Variants in KCNIP3 observed in about 807,000 individuals in gnomAD.
KCNIP3 encodes the protein calsenilin.
KCNIP3 carries 28 observed loss-of-function variants against 35.0 expected under a neutral mutation model. The observed-to-expected ratio is 0.80, with a 90% CI of 0.59 to 1.10. The LOEUF (loss-of-function observed/expected upper bound fraction) is 1.10, where lower values mean the gene tolerates loss of function less well. KCNIP3 is among the 50% of genes least tolerant of loss of function. KCNIP3 has a pLI of 0.00. For missense variants in KCNIP3, 295 were observed against 338.4 expected (o/e 0.87, Z 1.01); for synonymous variants, 134 against 133.8 (o/e 1.00, Z -0.01).
intron 2 of KCNIP3, among the ~76,000 whole-genome samples, chr2:95,349,602 G>T (rs1679461273): frequency 6.6e-6 from 1 of 152,214 alleles, no homozygotes; most frequent in Admixed American, 6.5e-5. Flanking sequence ...CATGGACAAG[G>T]GGGCTGAGCC....
chr2:95,300,590 A>T (rs1409179763), intron 1 of KCNIP3, among the ~76,000 whole-genome samples: 1 of 22,914 alleles, frequency 4.4e-5, no homozygotes, highest in Non-Finnish European at 1.3e-4. Flanking sequence ...GGGAGGGCAC[A>T]GCATGGGGCG....
intron 2 of KCNIP3, among the ~76,000 whole-genome samples, chr2:95,365,515 C>G (rs1679895963): frequency 6.6e-6 from 1 of 152,116 alleles, no homozygotes; most frequent in Non-Finnish European, 1.5e-5. Flanking sequence ...GGAGATCATC[C>G]ACGATCCTTG....
intron 2 of KCNIP3, among the ~76,000 whole-genome samples, chr2:95,325,058 C>T (rs1433464740): frequency 6.6e-6 from 1 of 152,160 alleles, no homozygotes; most frequent in East Asian, 1.9e-4. Flanking sequence ...GCTGGCTGAG[C>T]GACAGGCAGA....
intron 1 of KCNIP3, chr2:95,303,571 C>T (rs1306595465): frequency 6.6e-6 from 1 of 152,590 alleles, no homozygotes. Context: ...CAGCCATGAC[C>T]TCCGCCTGGC....
intron 2 of KCNIP3, among the ~76,000 whole-genome samples, chr2:95,348,814 C>G (rs554902079): frequency 2.0e-5 from 3 of 152,242 alleles, no homozygotes; most frequent in Non-Finnish European, 1.5e-5. Flanking sequence ...CAGAGTCAGC[C>G]AGGCCTGTGC....
intron 2 of KCNIP3, among the ~76,000 whole-genome samples, chr2:95,351,230 G>A (rs1679512829): frequency 6.6e-6 from 1 of 152,272 alleles, no homozygotes; most frequent in South Asian, 2.1e-4. Context: ...TACTGTAGGA[G>A]AAACCTGGAG....
In KCNIP3 at chr2:95,329,862, C is replaced by T. The variant is rs577586625; in HGVS notation, c.181+19342C>T. On this transcript the variant is annotated intron_variant, in intron 2 of 8. Transcript: ENST00000295225. ...CTTTCTTAAAAACAGCTCTTCCCTGCGCGTCTTTAATAATTCAACTCCTAA... is the reference window on the plus strand; with the variant it reads ...CTTTCTTAAAAACAGCTCTTCCCTGTGCGTCTTTAATAATTCAACTCCTAA... Among the ~76,000 whole-genome samples the T allele has an allele frequency of 7.2e-5, 11 of 152,364 alleles. No individual in the cohort carries two copies. The East Asian group carries it at 9.6e-4, about 13-fold the overall frequency.
chr2:95,343,080 G>T (rs1679257243), intron 2 of KCNIP3, among the ~76,000 whole-genome samples: 1 of 152,102 alleles, frequency 6.6e-6, no homozygotes, highest in Non-Finnish European at 1.5e-5. Context: ...ACCCATGTTG[G>T]GAGTCCAGGA....
chr2:95,383,945 G>A, intron 8 of KCNIP3, 57 bp from the exon 9 acceptor site: 1 of 1,481,206 alleles, frequency 6.8e-7, no homozygotes, highest in South Asian at 1.1e-5. Context: ...CTGCTCAAGG[G>A]GGTCGGATTT....
intron 2 of KCNIP3, among the ~76,000 whole-genome samples, chr2:95,325,948 CACACAT>C (rs1197240871): frequency 6.6e-6 from 1 of 151,398 alleles, no homozygotes; most frequent in African/African-American, 2.4e-5. Flanking sequence ...CATACACACT[CACACAT>C]ACACACACTC....
intron 2 of KCNIP3, among the ~76,000 whole-genome samples, chr2:95,364,683 G>T (rs1456548801): frequency 3.3e-5 from 5 of 152,030 alleles, no homozygotes; most frequent in Non-Finnish European, 7.4e-5. Context: ...CTCCTCCCTT[G>T]TGTCTCTTGC....
At chr2:95,326,662 G>T (rs1382359776) in intron 2 of KCNIP3, among the ~76,000 whole-genome samples, 1 of 152,242 alleles carries the variant, frequency 6.6e-6, no homozygotes, top group Non-Finnish European at 1.5e-5. Flanking sequence ...CTCCCCAGAG[G>T]ACAGGCCTCC....
At chr2:95,381,393 T>TCA (rs752337766) in intron 5 of KCNIP3, among the ~76,000 whole-genome samples, 3 of 151,642 alleles carry the variant, frequency 2.0e-5, no homozygotes, top group Non-Finnish European at 4.4e-5. Flanking sequence ...TCACACAAGT[T>TCA]CACACACACA....
At chr2:95,363,293 G>A (rs1679845091) in intron 2 of KCNIP3, among the ~76,000 whole-genome samples, 1 of 152,186 alleles carries the variant, frequency 6.6e-6, no homozygotes, top group Non-Finnish European at 1.5e-5. Context: ...ACATTTGCAT[G>A]TGGGATATGG....
Position 95,382,133 on chromosome 2 carries a change from C to T in KCNIP3, c.556-244C>T, listed in dbSNP as rs111590932. On this transcript the variant is annotated intron_variant, in intron 6 of 8. Transcript: ENST00000295225. The surrounding 1 kb of genome is among the most constrained non-coding windows in gnomAD (Gnocchi z 4.5). ...GGTCCAAGCACTTTTTCTGCTGCCG[C>T]GTCACATTTTGGAGATAAGCACATA... 2.0e-5 allele frequency among the ~76,000 whole-genome samples: 3 copies of T among 152,296 alleles called. No homozygotes were observed. Among genetic ancestry groups the T allele is most frequent in the Admixed American group, 6.5e-5 (1 of 15,304 alleles).
intron 2 of KCNIP3, among the ~76,000 whole-genome samples, chr2:95,315,453 G>A (rs1482286469): frequency 2.0e-5 from 3 of 152,170 alleles, no homozygotes. Context: ...GAGGGCACTT[G>A]TGAAGCACTT....
intron 2 of KCNIP3, among the ~76,000 whole-genome samples, chr2:95,345,807 C>G (rs1679341030): frequency 6.6e-6 from 1 of 152,244 alleles, no homozygotes; most frequent in South Asian, 2.1e-4. Flanking sequence ...CCTATTTTCT[C>G]CTTCCTTTTC....
At chr2:95,341,590 G>A (rs1265597743) in intron 2 of KCNIP3, among the ~76,000 whole-genome samples, 1 of 152,120 alleles carries the variant, frequency 6.6e-6, no homozygotes. Flanking sequence ...AGCCCACTGT[G>A]CAACAGGCAG....
At position 95,385,125 on chromosome 2, in the gene KCNIP3, TAGC is replaced by T. The variant is rs1421514358; in HGVS notation, c.*1080_*1082del. ...TTGCACAAAAAGCACAAGCATTCCT[TAGC>T]AGCTCAGGCGCAGCCCTAGTGGGAG... On this transcript the variant is annotated 3_prime_UTR_variant, in exon 9 of 9. Transcript: ENST00000295225. 1.1e-4 allele frequency: 17 copies of T among 152,576 alleles called. No individual in the cohort carries two copies. Among genetic ancestry groups the T allele is most frequent in the Non-Finnish European group, 2.2e-4 (15 of 68,132 alleles). The allele number at this position is 152,576 out of a possible 1,614,324, so 9.5% of individuals were successfully genotyped here.
Sources: gnomAD v4.1 joint callset for allele counts (sites outside exome capture counted in the v4.1 genomes callset) on GRCh38, gnomAD v4.1.1 for gene constraint, Gnocchi (gnomAD v3.1) non-coding constraint, MANE v1.5 for transcripts, NCBI Gene and HGNC (gene_info 2026-07-23, HGNC 2026-07-21) for gene names.